Variants in ARMCX4 observed in about 807,000 individuals in gnomAD.
The protein encoded by ARMCX4 is armadillo repeat-containing X-linked protein 4.
Under a neutral mutation model 34.7 loss-of-function variants are expected in ARMCX4, and 3 were observed. That is an observed-to-expected ratio of 0.09 (90% CI 0.04 to 0.22). ARMCX4 has a LOEUF of 0.22. Ranked by LOEUF, ARMCX4 falls within the 10% of genes least tolerant of loss-of-function variation. The probability of loss-of-function intolerance (pLI) is 1.00; values close to 1 mark genes in which losing one functional copy is unlikely to be tolerated. For synonymous variants in ARMCX4, 513 were observed against 632.8 expected, an observed-to-expected ratio of 0.81 and a Z score of 2.84; for missense variants, 1,448 against 1,720.8, an observed-to-expected ratio of 0.84 and a Z score of 2.81.
At chrX:101,465,451 G>A (rs1312984119) in intron 4 of ARMCX4, among the ~76,000 whole-genome samples, 2 of 111,985 alleles carry the variant, frequency 1.8e-5, no homozygotes, top group Non-Finnish European at 3.8e-5. Context: ...GGGACATTTC[G>A]TAATGATAAA....
chrX:101,502,025 C>A (rs781788915), intron 7 of ARMCX4, among the ~76,000 whole-genome samples: 5 of 112,334 alleles, frequency 4.5e-5, no homozygotes, highest in Non-Finnish European at 7.5e-5. Flanking sequence ...GAAATCGCAA[C>A]TTAGCTAGGG....
Position 101,489,716 on chromosome X carries a change from C to T in ARMCX4, c.1127C>T (p.Ala376Val). 1 of 1,153,791 alleles carries T rather than the reference C, an allele frequency of 8.7e-7. No individual in the cohort carries two copies. The highest frequency in any genetic ancestry group is 1.1e-6 in the Non-Finnish European group (1 of 871,667). Residue 376 changes from alanine (A) to valine (V), a missense_variant, in exon 6 of 6, where the codon GCC becomes GTC. Ala to Val is a moderately conservative substitution (Grantham distance 64). Around this residue, in one of 2 missense-constraint regions of ARMCX4, gnomAD observed 1,343 missense variants for 1,540.7 expected, o/e 0.87. Coordinates refer to ENST00000423738, the MANE Select transcript of ARMCX4 (RefSeq NM_001256155.3). ...AAACAGGCTGAGGTGACGTCTGGTGCCAGGGTTGATGGTAGGGGAAATACC... is the reference window on the plus strand; with the variant it reads ...AAACAGGCTGAGGTGACGTCTGGTGTCAGGGTTGATGGTAGGGGAAATACC... ...AKKQAEVTSG[A>V]RVDGRGNTNV...
chrX:101,497,939 AGG>A (rs1556012367), downstream of ARMCX4, among the ~76,000 whole-genome samples: 45 of 111,667 alleles, frequency 4.0e-4, no homozygotes, highest in African/African-American at 1.4e-3. Flanking sequence ...TTTAATTGCC[AGG>A]AGTGCGGCAA....
intron 4 of ARMCX4, among the ~76,000 whole-genome samples, chrX:101,467,251 G>A (rs1229833746): frequency 4.5e-5 from 5 of 111,767 alleles, no homozygotes; most frequent in African/African-American, 1.6e-4. Flanking sequence ...TCAGGTTCAC[G>A]TGATTCTCGT....
Position 101,495,619 on chromosome X carries a change from A to G in ARMCX4, c.*157A>G, listed in dbSNP as rs1349214521. 2.2e-6 allele frequency: 1 copy of G among 463,044 alleles called. No individual in the cohort carries two copies. The highest frequency in any genetic ancestry group is 3.3e-6 in the Non-Finnish European group (1 of 303,911). 38.2% of individuals were successfully genotyped at this position (463,044 alleles called of 1,213,427 possible). A position where few individuals can be genotyped will look rare whatever the true frequency, so the allele number is the denominator to read the frequency against. ...GAACACCAAATGAATTCAAGCTTGT[A>G]CTAAAAATACATGTGTTGATTTTTA... On this transcript the variant is annotated 3_prime_UTR_variant, in exon 6 of 6. Coordinates refer to ENST00000423738, the MANE Select transcript of ARMCX4 (RefSeq NM_001256155.3).
chrX:101,482,265 A>C (rs782075909), upstream of ARMCX4, among the ~76,000 whole-genome samples: 5 of 112,003 alleles, frequency 4.5e-5, no homozygotes, highest in South Asian at 1.9e-3. Flanking sequence ...TTTTAATAAG[A>C]CATGTATGTG....
At chrX:101,521,034 C>T (rs916356286) in intron 11 of ARMCX4, among the ~76,000 whole-genome samples, 2 of 107,268 alleles carry the variant, frequency 1.9e-5, no homozygotes, top group South Asian at 4.1e-4. Context: ...CGGGTTGAAG[C>T]GATCCTCCTT....
intron 4 of ARMCX4, among the ~76,000 whole-genome samples, chrX:101,459,122 C>T (rs953786018): frequency 6.3e-5 from 7 of 111,892 alleles, no homozygotes; most frequent in Admixed American, 3.8e-4. Context: ...CCTTTCTTGC[C>T]GTCTTTAGTG....
At chrX:101,435,052 G>A (rs1210521259) in intron 2 of ARMCX4, among the ~76,000 whole-genome samples, 1 of 111,330 alleles carries the variant, frequency 9.0e-6, no homozygotes, top group African/African-American at 3.3e-5. Flanking sequence ...GGACATTTGG[G>A]TTGGTTCCAA....
At chrX:101,466,481 C>A (rs1932793664) in intron 4 of ARMCX4, among the ~76,000 whole-genome samples, 1 of 111,807 alleles carries the variant, frequency 8.9e-6, no homozygotes, top group Non-Finnish European at 1.9e-5. Flanking sequence ...CTAGAAACAA[C>A]CCAAGTGTCC....
At chrX:101,503,684 T>C (rs1934365968) in intron 7 of ARMCX4, among the ~76,000 whole-genome samples, 1 of 111,957 alleles carries the variant, frequency 8.9e-6, no homozygotes, top group Non-Finnish European at 1.9e-5. Flanking sequence ...TTCTGGATAT[T>C]AGCCCTTTGT....
chrX:101,454,139 G>C (rs1371006112), intron 4 of ARMCX4, among the ~76,000 whole-genome samples: 1 of 110,868 alleles, frequency 9.0e-6, no homozygotes, highest in Non-Finnish European at 1.9e-5. Context: ...CACTTGGGAT[G>C]GGGTGGGGAA....
chrX:101,476,724 A>C (rs1351275288), intron 4 of ARMCX4, among the ~76,000 whole-genome samples: 1 of 111,772 alleles, frequency 8.9e-6, no homozygotes, highest in Non-Finnish European at 1.9e-5. Context: ...AGGGTCATTT[A>C]TACACTCACT....
intron 4 of ARMCX4, among the ~76,000 whole-genome samples, chrX:101,453,550 A>G (rs782696313): frequency 9.0e-6 from 1 of 111,729 alleles, no homozygotes; most frequent in Non-Finnish European, 1.9e-5. Context: ...ACTGTGGAGT[A>G]GCAAGACTTA....
intron 4 of ARMCX4, among the ~76,000 whole-genome samples, chrX:101,457,957 G>T (rs367629888): frequency 9.1e-6 from 1 of 110,232 alleles, no homozygotes; most frequent in African/African-American, 3.3e-5. Context: ...GGCCAGGCTG[G>T]TATCGAACTC....
chrX:101,512,589 A>G (rs1934603590), intron 11 of ARMCX4, among the ~76,000 whole-genome samples: 1 of 108,527 alleles, frequency 9.2e-6, no homozygotes, highest in Admixed American at 1.0e-4. Flanking sequence ...ATCTTCCAAT[A>G]TTTTGTTAAT....
At chrX:101,485,066 C>T (rs1214491027), upstream of ARMCX4, among the ~76,000 whole-genome samples, 1 of 107,416 alleles carries the variant, frequency 9.3e-6, no homozygotes, top group Non-Finnish European at 1.9e-5. Flanking sequence ...GAGTGCTGGT[C>T]TTATAGTCTA....
At chrX:101,440,916 A>G (rs973563584) in intron 2 of ARMCX4, among the ~76,000 whole-genome samples, 6 of 110,914 alleles carry the variant, frequency 5.4e-5, no homozygotes, top group Admixed American at 9.6e-5. Context: ...GACCCCTTGT[A>G]CTTCCCGGGT....
At chrX:101,447,816 G>A (rs974141730), downstream of ARMCX4, 1 of 111,431 alleles carries the variant, frequency 9.0e-6, no homozygotes, top group East Asian at 2.8e-4. Flanking sequence ...ATCACATCAA[G>A]CATTTATCCT....
Sources: allele counts gnomAD v4.1 joint callset (sites outside exome capture counted in the v4.1 genomes callset), GRCh38; gene constraint gnomAD v4.1.1; regional missense constraint gnomAD v4.1.1; transcripts MANE v1.5; gene names NCBI Gene and HGNC (gene_info 2026-07-23, HGNC 2026-07-21).